NDST4: variants seen among roughly 807,000 people sequenced by gnomAD.
NDST4 encodes N-heparan sulfate sulfotransferase 4.
In NDST4, 63 loss-of-function variants were observed where a neutral mutation model predicts 100.8. The ratio of observed to expected loss-of-function variants is 0.62; its 90% CI spans 0.51 to 0.77. The LOEUF (loss-of-function observed/expected upper bound fraction) is 0.77, where lower values mean the gene tolerates loss of function less well. Ranked by LOEUF, NDST4 falls within the 30% of genes least tolerant of loss-of-function variation. NDST4 has a pLI of 0.00. For synonymous variants in NDST4, 377 were observed against 361.8 expected, an observed-to-expected ratio of 1.04 and a Z score of -0.48; for missense variants, 943 against 1,018.4, an observed-to-expected ratio of 0.93 and a Z score of 1.01.
intron 4 of NDST4, among the ~76,000 whole-genome samples, chr4:114,957,915 G>A (rs28806557): frequency 0.016 from 2,479 of 152,268 alleles, 65 homozygotes; most frequent in African/African-American, 0.057. Flanking sequence ...ATGGTCTTGG[G>A]CAGCTCTGTC....
intron 2 of NDST4, among the ~76,000 whole-genome samples, chr4:114,990,628 T>A (rs1226123309): frequency 6.6e-6 from 1 of 152,130 alleles, no homozygotes; most frequent in Admixed American, 6.6e-5. Context: ...TTTTGAGTGA[T>A]CTTTATTCTT....
chr4:114,985,581 G>A (rs1383013699), intron 2 of NDST4, among the ~76,000 whole-genome samples: 1 of 152,146 alleles, frequency 6.6e-6, no homozygotes, highest in Non-Finnish European at 1.5e-5. Flanking sequence ...CATAAATTAT[G>A]CTAGGTATGG....
Position 115,054,967 on chromosome 4 carries a change from G to T in NDST4, c.978+21092C>A, listed in dbSNP as rs1728661221. On this transcript the variant is annotated intron_variant, in intron 2 of 13. Coordinates refer to ENST00000264363, the MANE Select transcript of NDST4 (RefSeq NM_022569.3). ...TTAGCAACCAGGCCACATAGCAGAG[G>T]GTGAGCAGTGGGCCAGTAAAGCTTC... Among the ~76,000 whole-genome samples the T allele has an allele frequency of 3.9e-5, 6 of 152,064 alleles. No homozygotes were observed. The South Asian group carries it at 1.2e-3, about 32-fold the overall frequency.
intron 8 of NDST4, among the ~76,000 whole-genome samples, chr4:114,849,716 G>T (rs558060996): frequency 6.6e-6 from 1 of 152,198 alleles, no homozygotes; most frequent in Non-Finnish European, 1.5e-5. Context: ...CTAGGGATAT[G>T]TAATTACTAA....
At chr4:115,080,485 C>A (rs1481371293) in intron 1 of NDST4, among the ~76,000 whole-genome samples, 1 of 151,984 alleles carries the variant, frequency 6.6e-6, no homozygotes, top group Non-Finnish European at 1.5e-5. Flanking sequence ...GTCTTTGTTT[C>A]AAAACTCAGC....
At chr4:115,034,682 G>A (rs1172464628) in intron 2 of NDST4, among the ~76,000 whole-genome samples, 1 of 151,848 alleles carries the variant, frequency 6.6e-6, no homozygotes, top group African/African-American at 2.4e-5. Context: ...ATCTTTTATA[G>A]GGAGTGACAT....
rs1451162628 is a variant in NDST4 at position 115,010,510 on chromosome 4, G to A, written c.979-33236C>T. Among the ~76,000 whole-genome samples, 2 of 127,556 alleles carry A rather than the reference G, an allele frequency of 1.6e-5. 1 individual carries two copies. Among genetic ancestry groups the A allele is most frequent in the African/African-American group, 6.0e-5 (2 of 33,524 alleles). 83.7% of individuals were successfully genotyped at this position (127,556 alleles called of 152,430 possible). ...ATGAGTACACATGGACACAGGAAGG[G>A]GAACATCACACTCTGGGGACTGTTG... On this transcript the variant is annotated intron_variant, in intron 2 of 13. Coordinates refer to ENST00000264363, the MANE Select transcript of NDST4 (RefSeq NM_022569.3).
At chr4:115,059,281 C>G (rs191852830) in intron 2 of NDST4, among the ~76,000 whole-genome samples, 76 of 152,104 alleles carry the variant, frequency 5.0e-4, no homozygotes, top group Non-Finnish European at 8.7e-4. Flanking sequence ...ATGAACAATA[C>G]AATCTAATGA....
chr4:114,920,327 T>C (rs1383605130), intron 6 of NDST4, among the ~76,000 whole-genome samples: 1 of 152,266 alleles, frequency 6.6e-6, no homozygotes, highest in Non-Finnish European at 1.5e-5. Context: ...TAGATTTGAT[T>C]TCTTGAGCAA....
At position 115,022,360 on chromosome 4, in the gene NDST4, ACATATGTGTTCCATG is replaced by A. The variant is rs1276944616; in HGVS notation, c.979-45101_979-45087del. 1.1e-3 allele frequency among the ~76,000 whole-genome samples: 170 copies of A among 149,248 alleles called. 9 individuals carry two copies. Among genetic ancestry groups the A allele is most frequent in the African/African-American group, 3.8e-3 (154 of 40,850 alleles). ...TTCCACGTACATATGTGTTCCACGTACATATGTGTTCCATGTACATATGTGTTCCATATATATGTG... is the reference window on the plus strand; with the variant it reads ...TTCCACGTACATATGTGTTCCACGTATACATATGTGTTCCATATATATGTG... On this transcript the variant is annotated intron_variant, in intron 2 of 13. Coordinates refer to ENST00000264363, the MANE Select transcript of NDST4 (RefSeq NM_022569.3).
chr4:114,982,943 G>A (rs1229612811), intron 2 of NDST4, among the ~76,000 whole-genome samples: 1 of 152,224 alleles, frequency 6.6e-6, no homozygotes, highest in Non-Finnish European at 1.5e-5. Context: ...TCAAGGTACA[G>A]CTCACGTTGT....
chr4:114,928,480 T>C (rs1258153660), intron 6 of NDST4, among the ~76,000 whole-genome samples: 1 of 152,208 alleles, frequency 6.6e-6, no homozygotes, highest in African/African-American at 2.4e-5. Flanking sequence ...TTCTTCCTTC[T>C]TTCTGTGTTC....
At chr4:115,014,875 A>G (rs1727641658) in intron 2 of NDST4, among the ~76,000 whole-genome samples, 1 of 152,216 alleles carries the variant, frequency 6.6e-6, no homozygotes, top group South Asian at 2.1e-4. Context: ...CAACCTGAGC[A>G]TTGGCTTGTT....
chr4:114,864,684 G>A (rs1723987959), intron 7 of NDST4, among the ~76,000 whole-genome samples: 1 of 152,128 alleles, frequency 6.6e-6, no homozygotes, highest in South Asian at 2.1e-4. Flanking sequence ...TCAACTTCTT[G>A]GGAAAGTGTT....
chr4:114,878,695 T>C (rs2165542), intron 6 of NDST4, among the ~76,000 whole-genome samples: 11,639 of 152,122 alleles, frequency 0.077, 519 homozygotes, highest in East Asian at 0.13. Flanking sequence ...ATAGGTTTGT[T>C]GTGATGCCCA....
intron 6 of NDST4, among the ~76,000 whole-genome samples, chr4:114,882,464 T>G (rs1324789475): frequency 6.6e-6 from 1 of 152,074 alleles, no homozygotes; most frequent in Non-Finnish European, 1.5e-5. Flanking sequence ...GGACACATAC[T>G]TAGTGAGCTG....
chr4:115,079,082 TG>T (rs1362731692), intron 1 of NDST4, among the ~76,000 whole-genome samples: 1 of 152,004 alleles, frequency 6.6e-6, no homozygotes, highest in African/African-American at 2.4e-5. Flanking sequence ...ACAGGCACGG[TG>T]GCTCAGGCCT....
intron 7 of NDST4, among the ~76,000 whole-genome samples, chr4:114,860,646 G>C (rs561990066): frequency 2.0e-5 from 3 of 152,244 alleles, no homozygotes; most frequent in South Asian, 4.1e-4. Context: ...ATGTGGCGTG[G>C]AACTGTCTGC....
At chr4:114,891,899 T>TAC (rs1305738575) in intron 6 of NDST4, among the ~76,000 whole-genome samples, 3 of 152,266 alleles carry the variant, frequency 2.0e-5, no homozygotes, top group Non-Finnish European at 4.4e-5. Context: ...CTTTACACCT[T>TAC]ACACATGCTC....
Sources: allele counts gnomAD v4.1 joint callset (sites outside exome capture counted in the v4.1 genomes callset), GRCh38; gene constraint gnomAD v4.1.1; transcripts MANE v1.5; gene names NCBI Gene and HGNC (gene_info 2026-07-23, HGNC 2026-07-21).